HACL1: variants seen among roughly 807,000 people sequenced by gnomAD.
HACL1 encodes the protein 1600020H07Rik.
A neutral mutation model predicts 74.2 loss-of-function variants in HACL1; 64 were observed. The ratio of observed to expected loss-of-function variants is 0.86; its 90% CI spans 0.70 to 1.06. HACL1 has a LOEUF of 1.06. Among genes scored for constraint, HACL1 ranks in the 50% least tolerant of loss-of-function variants. HACL1 has a pLI of 0.00. For missense variants in HACL1, 728 were observed against 719.7 expected, an observed-to-expected ratio of 1.01 and a Z score of -0.13; for synonymous variants, 230 against 238.8, an observed-to-expected ratio of 0.96 and a Z score of 0.34.
rs60886280 is a variant in HACL1 at position 15,592,134 on chromosome 3, G to A, written c.228-454C>T. Among the ~76,000 whole-genome samples the A allele has an allele frequency of 5.8e-3, 707 of 121,876 alleles. 26 individuals are homozygous for A. The highest frequency in any genetic ancestry group is 0.022 in the East Asian group (69 of 3,140). The allele number at this position is 121,876 out of a possible 152,430, so 80.0% of individuals were successfully genotyped here. A position where few individuals can be genotyped will look rare whatever the true frequency, so the allele number is the denominator to read the frequency against. On this transcript the variant is annotated intron_variant, in intron 3 of 16. Transcript: ENST00000321169. ...ATACACACTATATACGTATACATAC[G>A]TGTATATATGTATACATACGTATAT... is the stretch of plus-strand genomic sequence containing the variant.
chr3:15,563,556 G>A lies in HACL1; in HGVS notation c.1518-12C>T, dbSNP rs748140011. 2.0e-6 allele frequency: 3 copies of A among 1,535,540 alleles called. No homozygotes were observed. Among genetic ancestry groups the A allele is most frequent in the Non-Finnish European group, 1.8e-6 (2 of 1,120,970 alleles). ...ACATTGGAGGGACCCTGAAAAACAA[G>A]GTCATGAGTCAATGAAATTTAAATC... On this transcript the variant is annotated splice_polypyrimidine_tract_variant and intron_variant, in intron 15 of 16. Transcript: ENST00000321169.
At chr3:15,585,376 A>AC in intron 6 of HACL1, 34 bp from the exon 7 acceptor site, 1 of 1,156,320 alleles carries the variant, frequency 8.6e-7, no homozygotes, top group Non-Finnish European at 1.3e-6. Context: ...AAAGATTTGT[A>AC]AAATCTCAGT....
intron 3 of HACL1, among the ~76,000 whole-genome samples, chr3:15,593,260 C>T (rs1029771440): frequency 6.6e-6 from 1 of 151,452 alleles, no homozygotes; most frequent in Non-Finnish European, 1.5e-5. Flanking sequence ...GTTGCTCAGG[C>T]TGGAGTGCAG....
intron 16 of HACL1, among the ~76,000 whole-genome samples, chr3:15,561,882 G>A (rs1379721095): frequency 6.6e-6 from 1 of 152,186 alleles, no homozygotes; most frequent in African/African-American, 2.4e-5. Flanking sequence ...GTTTCACCAT[G>A]TTGGCCAGGC....
intron 2 of HACL1, among the ~76,000 whole-genome samples, chr3:15,599,167 T>C (rs2064128459): frequency 6.6e-6 from 1 of 152,240 alleles, no homozygotes; most frequent in Non-Finnish European, 1.5e-5. Context: ...TACCACCTTA[T>C]AATACAATTG....
At chr3:15,598,046 C>T (rs867692468) in intron 2 of HACL1, among the ~76,000 whole-genome samples, 6 of 146,568 alleles carry the variant, frequency 4.1e-5, no homozygotes, top group Middle Eastern at 3.5e-3. Context: ...GACAGAGTTT[C>T]GGAGTTTCGC....
At chr3:15,564,528 A>G in intron 15 of HACL1, 23 bp downstream of exon 15, 1 of 973,684 alleles carries the variant, frequency 1.0e-6, no homozygotes, top group Non-Finnish European at 1.6e-6. Flanking sequence ...GAAAGTAAAC[A>G]GACATTGGTC....
chr3:15,597,118 T>A (rs1258570228), intron 2 of HACL1, among the ~76,000 whole-genome samples: 2 of 152,240 alleles, frequency 1.3e-5, no homozygotes, highest in Non-Finnish European at 2.9e-5. Flanking sequence ...ATACCTCCTT[T>A]TTCATTCCTG....
At chr3:15,580,676 T>C (rs553479623) in intron 8 of HACL1, among the ~76,000 whole-genome samples, 2 of 152,272 alleles carry the variant, frequency 1.3e-5, no homozygotes, top group South Asian at 2.1e-4. Flanking sequence ...ACTATCTTCA[T>C]TGAGAGGCCC....
At chr3:15,586,355 A>C (rs1432116367) in intron 6 of HACL1, among the ~76,000 whole-genome samples, 170 bp downstream of exon 6, 1 of 152,210 alleles carries the variant, frequency 6.6e-6, no homozygotes, top group Non-Finnish European at 1.5e-5. Context: ...CTATAATTAA[A>C]TGTAATGACA....
At chr3:15,577,392 T>C (rs759943468) in intron 9 of HACL1, among the ~76,000 whole-genome samples, 1 of 150,808 alleles carries the variant, frequency 6.6e-6, no homozygotes. Context: ...ACCAAACACA[T>C]GACAGTAATA....
intron 12 of HACL1, among the ~76,000 whole-genome samples, chr3:15,569,632 A>C (rs2063490242): frequency 6.6e-6 from 1 of 151,782 alleles, no homozygotes; most frequent in African/African-American, 2.4e-5. Flanking sequence ...GACCAGCCTG[A>C]CCAACATGGA....
Position 15,568,503 on chromosome 3 carries a change from G to GA in HACL1, c.1178dup (p.Val394ArgfsTer4). 1 of 1,598,554 alleles carries GA rather than the reference G, an allele frequency of 6.3e-7. No individual in the cohort carries two copies. Among genetic ancestry groups the GA allele is most frequent in the Non-Finnish European group, 8.6e-7 (1 of 1,166,044 alleles). On this transcript the variant is annotated frameshift_variant, in exon 13 of 17. Transcript: ENST00000321169. LOFTEE classifies it high-confidence loss of function. The stretch of plus-strand genomic sequence containing the variant: ...TAGTATTTGCTCCTTCACTTACCAC[G>GA]AAACAGTCTCTAGGTAGTTGTTCTT...
chr3:15,590,086 T>C (rs2063864184), intron 4 of HACL1, among the ~76,000 whole-genome samples: 3 of 147,144 alleles, frequency 2.0e-5, no homozygotes, highest in Admixed American at 7.8e-5. Context: ...AGCAACCTGA[T>C]ATGAGAGAAC....
At position 15,591,701 on chromosome 3, in the gene HACL1, A is replaced by G. The variant is rs370154239; in HGVS notation, c.228-21T>C. The G allele has an allele frequency of 7.8e-6, 12 of 1,547,182 alleles. No individual in the cohort carries two copies. The Admixed American group carries it at 1.2e-4, about 15-fold the overall frequency. ...CTGGCCTAAAAGCAAAACAGAATTT[A>G]TTAAAATCAGGTCAAATGTAACAAC... On this transcript the variant is annotated intron_variant, in intron 3 of 16. Transcript: ENST00000321169.
intron 4 of HACL1, among the ~76,000 whole-genome samples, chr3:15,590,484 A>ATT (rs2063871656): frequency 6.6e-6 from 1 of 152,220 alleles, no homozygotes; most frequent in Non-Finnish European, 1.5e-5. Flanking sequence ...CACTAGAAAG[A>ATT]TTAAATATGT....
intron 16 of HACL1, 40 bp from the exon 17 acceptor site, chr3:15,560,937 G>A (rs771989545): frequency 6.9e-7 from 1 of 1,458,454 alleles, no homozygotes; most frequent in East Asian, 2.3e-5. Flanking sequence ...CAAAAGAAAT[G>A]ATTGTCTCAA....
intron 12 of HACL1, among the ~76,000 whole-genome samples, chr3:15,571,352 C>T (rs2063524372): frequency 6.6e-6 from 1 of 152,170 alleles, no homozygotes; most frequent in Non-Finnish European, 1.5e-5. Flanking sequence ...ACCTTCCTTC[C>T]ACCAGCTCAC....
Position 15,601,562 on chromosome 3 carries a change from G to A in HACL1, c.-99C>T, listed in dbSNP as rs1440147017. ...TCGGCAGCACGCCACCTCTGGTACT[G>A]CACCTCTGACGGACAGGAGGGCAAC... On this transcript the variant is annotated 5_prime_UTR_variant, in exon 1 of 17. Coordinates refer to ENST00000321169, the MANE Select transcript of HACL1 (RefSeq NM_012260.4). 1.2e-6 allele frequency: 2 copies of A among 1,601,792 alleles called. No individual in the cohort carries two copies. The highest frequency in any genetic ancestry group is 1.1e-5 in the South Asian group (1 of 90,694).
Sources: gnomAD v4.1 joint callset for allele counts (sites outside exome capture counted in the v4.1 genomes callset) on GRCh38, gnomAD v4.1.1 for gene constraint, MANE v1.5 for transcripts, NCBI Gene and HGNC (gene_info 2026-07-23, HGNC 2026-07-21) for gene names.